The following SMIM36 variants were observed in gnomAD, a reference collection of about 807,000 sequenced individuals.
The protein encoded by SMIM36 is small integral membrane protein 36.
At chr17:55,527,861 A>G in the SMIM36 span, 1 of 152,216 alleles carries the variant, frequency 6.6e-6, no homozygotes, top group Non-Finnish European at 1.5e-5. Flanking sequence ...AAAGCATTAA[A>G]CTTAGCAGGG....
chr17:55,504,272 A>T (rs1329510274), intron 1 of SMIM36, among the ~76,000 whole-genome samples: 2 of 73,890 alleles, frequency 2.7e-5, no homozygotes, highest in Non-Finnish European at 4.4e-5. Flanking sequence ...CAGAATATAC[A>T]TTTTTTTCAG....
chr17:55,488,061 G>A (rs906876006), intron 1 of SMIM36, among the ~76,000 whole-genome samples: 23 of 152,160 alleles, frequency 1.5e-4, no homozygotes, highest in African/African-American at 5.3e-4. Flanking sequence ...TTCAATTCTT[G>A]GAAAATTAAA....
chr17:55,516,716 G>A, the SMIM36 span, among the ~76,000 whole-genome samples: 3 of 151,904 alleles, frequency 2.0e-5, no homozygotes, highest in Admixed American at 1.3e-4. Flanking sequence ...CTGCCACCAC[G>A]CCCGGCTAAT....
chr17:55,493,375 C>T (rs1332637965), intron 1 of SMIM36, among the ~76,000 whole-genome samples: 2 of 152,218 alleles, frequency 1.3e-5, no homozygotes, highest in Non-Finnish European at 2.9e-5. Context: ...CCCCAGGCTG[C>T]TGCTCCAAGG....
chr17:55,511,252 A>G, exon 1 of SMIM36: 1 of 398,588 alleles, frequency 2.5e-6, no homozygotes, highest in Non-Finnish European at 4.4e-6. Flanking sequence ...GGAGATGAGG[A>G]AGACCAGGAG....
chr17:55,522,392 A>G, the SMIM36 span, among the ~76,000 whole-genome samples: 3 of 152,242 alleles, frequency 2.0e-5, no homozygotes, highest in Non-Finnish European at 4.4e-5. Flanking sequence ...AACACACCTG[A>G]GACTGGATAA....
intron 4 of SMIM36, chr17:55,454,077 T>C (rs553329584): frequency 7.9e-5 from 12 of 152,328 alleles, no homozygotes; most frequent in African/African-American, 2.9e-4. Context: ...TGACCACCAG[T>C]GTCAGCTGGG....
the SMIM36 span, among the ~76,000 whole-genome samples, chr17:55,519,656 G>C: frequency 9.7e-3 from 1,419 of 145,578 alleles, 24 homozygotes; most frequent in African/African-American, 0.033. Context: ...AAAAGTGTAA[G>C]AGGGAAGAGA....
chr17:55,500,789 T>A lies in SMIM36; in HGVS notation c.*174+10090A>T, dbSNP rs1159849192. Among the ~76,000 whole-genome samples, 109 of 54,086 alleles carry A rather than the reference T, an allele frequency of 2.0e-3. 16 individuals are homozygous for A. Among genetic ancestry groups the A allele is most frequent in the Non-Finnish European group, 2.7e-3 (96 of 35,434 alleles). 35.5% of individuals were successfully genotyped at this position (54,086 alleles called of 152,430 possible). ...TATTTTATAATATATAATATATTAT[T>A]ATATATTTTATAATATATTATAATA... On this transcript the variant is annotated intron_variant, in intron 1 of 4. Coordinates refer to ENST00000636752, the Ensembl canonical transcript of SMIM36.
At chr17:55,491,985 T>C (rs1201096628) in intron 1 of SMIM36, among the ~76,000 whole-genome samples, 2 of 151,638 alleles carry the variant, frequency 1.3e-5, no homozygotes, top group African/African-American at 4.8e-5. Context: ...CAGTGAAACC[T>C]CATCTCTACT....
chr17:55,455,444 TC>T (rs1170026348), intron 4 of SMIM36, among the ~76,000 whole-genome samples: 1 of 148,106 alleles, frequency 6.8e-6, no homozygotes, highest in African/African-American at 2.5e-5. Context: ...TAGATGACAC[TC>T]ATATTCCATC....
rs1350860258 is a variant in SMIM36 at position 55,486,496 on chromosome 17, T to C, written c.*175-6916A>G. 2.6e-5 allele frequency among the ~76,000 whole-genome samples: 4 copies of C among 152,326 alleles called. No homozygotes were observed. In the East Asian group the frequency reaches 7.7e-4, roughly 29 times the overall value. ...AGTAACTTTAGGCCTTTCTAATTCCTCTGATCAGAACTGGCTGACGATGAA... is the reference window on the plus strand; with the variant it reads ...AGTAACTTTAGGCCTTTCTAATTCCCCTGATCAGAACTGGCTGACGATGAA... On this transcript the variant is annotated intron_variant, in intron 1 of 4. Transcript: ENST00000636752.
upstream of SMIM36, among the ~76,000 whole-genome samples, chr17:55,515,084 GTGTTTTTTT>G (rs1314791890): frequency 3.0e-3 from 170 of 56,148 alleles, 2 homozygotes; most frequent in Non-Finnish European, 7.3e-3. Flanking sequence ...TTCTAGTCTA[GTGTTTTTTT>G]TTTTTTTTTT....
chr17:55,530,916 A>C, the SMIM36 span, among the ~76,000 whole-genome samples: 1 of 152,224 alleles, frequency 6.6e-6, no homozygotes, highest in Non-Finnish European at 1.5e-5. Flanking sequence ...AAGTTCAACT[A>C]TTAGATTCAG....
chr17:55,469,069 C>T (rs1909295147), intron 3 of SMIM36, among the ~76,000 whole-genome samples: 1 of 152,142 alleles, frequency 6.6e-6, no homozygotes, highest in African/African-American at 2.4e-5. Flanking sequence ...CTTCAGTCTC[C>T]ACCCCAAGTT....
At chr17:55,531,980 G>A in the SMIM36 span, among the ~76,000 whole-genome samples, 1 of 152,202 alleles carries the variant, frequency 6.6e-6, no homozygotes, top group South Asian at 2.1e-4. Flanking sequence ...TTGTGTGGGT[G>A]ACCCCAAGTA....
At chr17:55,530,350 G>A in the SMIM36 span, among the ~76,000 whole-genome samples, 2 of 152,192 alleles carry the variant, frequency 1.3e-5, no homozygotes, top group African/African-American at 2.4e-5. Flanking sequence ...CTTCCTCTCT[G>A]CCATTTACAC....
upstream of SMIM36, among the ~76,000 whole-genome samples, chr17:55,513,729 T>C (rs1477488523): frequency 6.6e-6 from 1 of 152,198 alleles, no homozygotes; most frequent in African/African-American, 2.4e-5. Flanking sequence ...TGGTTAAAAT[T>C]GACTCTGAAA....
intron 3 of SMIM36, chr17:55,468,403 T>C (rs1909280997): frequency 6.5e-6 from 1 of 152,924 alleles, no homozygotes. Flanking sequence ...TTTTCCTCTC[T>C]AGTAGAGACA....
Sources: allele counts gnomAD v4.1 joint callset (sites outside exome capture counted in the v4.1 genomes callset), GRCh38; gene constraint gnomAD v4.1.1; transcripts MANE v1.5; gene names NCBI Gene and HGNC (gene_info 2026-07-23, HGNC 2026-07-21).